LINGO2: variants seen among roughly 807,000 people sequenced by gnomAD.
The protein encoded by LINGO2 is leucine-rich repeat and immunoglobulin-like domain-containing nogo receptor-interacting protein 2.
A neutral mutation model predicts 30.6 loss-of-function variants in LINGO2; 14 were observed. That is an observed-to-expected ratio of 0.46 (90% CI 0.30 to 0.72). LINGO2 has a LOEUF of 0.72. Ranked by LOEUF, LINGO2 falls within the 30% of genes least tolerant of loss-of-function variation. LINGO2 has a pLI of 0.07. For missense variants in LINGO2, 729 were observed against 751.7 expected (o/e 0.97, Z 0.35); for synonymous variants, 317 against 288.5 (o/e 1.10, Z -1.00).
chr9:28,875,776 T>C, the LINGO2 span, among the ~76,000 whole-genome samples: 1 of 152,296 alleles, frequency 6.6e-6, no homozygotes, highest in Non-Finnish European at 1.5e-5. Context: ...AAAGGTGCTA[T>C]TGACTTTACT....
chr9:28,631,502 G>A (rs942178705), intron 1 of LINGO2, among the ~76,000 whole-genome samples: 2 of 152,044 alleles, frequency 1.3e-5, no homozygotes, highest in Admixed American at 1.3e-4. Context: ...ATTAAATAGG[G>A]AATCCTTTCC....
intron 4 of LINGO2, among the ~76,000 whole-genome samples, chr9:28,197,404 CCAGAAATAAAAATTT>C (rs1820053366): frequency 6.6e-6 from 1 of 151,388 alleles, no homozygotes; most frequent in African/African-American, 2.4e-5. Context: ...ATTAAAACAA[CCAGAAATAAAAATTT>C]AGTTTATAGT....
intron 1 of LINGO2, among the ~76,000 whole-genome samples, chr9:28,541,933 C>T (rs561046828): frequency 6.6e-6 from 1 of 152,132 alleles, no homozygotes; most frequent in East Asian, 1.9e-4. Flanking sequence ...AGGCTGTTTT[C>T]AGAGGAGAGA....
chr9:28,052,965 C>T (rs1223382948), intron 4 of LINGO2, among the ~76,000 whole-genome samples: 3 of 151,678 alleles, frequency 2.0e-5, no homozygotes, highest in East Asian at 1.9e-4. Context: ...GCATCCAGTA[C>T]ATGTAAGACA....
At chr9:28,055,508 A>C (rs1419391475) in intron 4 of LINGO2, among the ~76,000 whole-genome samples, 1 of 152,190 alleles carries the variant, frequency 6.6e-6, no homozygotes, top group Admixed American at 6.6e-5. Context: ...TTTTAGGAAA[A>C]TGTAAGGTAC....
chr9:28,866,242 T>C, the LINGO2 span, among the ~76,000 whole-genome samples: 1 of 152,176 alleles, frequency 6.6e-6, no homozygotes, highest in Non-Finnish European at 1.5e-5. Context: ...TCTTGCACTA[T>C]TTAACTTCAA....
chr9:28,098,605 T>C (rs1826318882), intron 4 of LINGO2, among the ~76,000 whole-genome samples: 1 of 152,170 alleles, frequency 6.6e-6, no homozygotes, highest in African/African-American at 2.4e-5. Flanking sequence ...ATCCTCTGTG[T>C]TATTCTGATA....
At chr9:28,537,674 G>T (rs1444727747) in intron 1 of LINGO2, among the ~76,000 whole-genome samples, 1 of 151,906 alleles carries the variant, frequency 6.6e-6, no homozygotes, top group East Asian at 1.9e-4. Flanking sequence ...CTCAGAGAAA[G>T]ACGTAAAGAT....
At chr9:28,252,468 G>GC (rs1184049009) in intron 4 of LINGO2, among the ~76,000 whole-genome samples, 3 of 151,934 alleles carry the variant, frequency 2.0e-5, no homozygotes, top group Non-Finnish European at 2.9e-5. Flanking sequence ...CTCGTGATCT[G>GC]CCCCCCTTGG....
At chr9:28,530,901 C>T (rs947855208) in intron 1 of LINGO2, among the ~76,000 whole-genome samples, 4 of 151,518 alleles carry the variant, frequency 2.6e-5, no homozygotes, top group South Asian at 2.1e-4. Flanking sequence ...TGTCTCATAC[C>T]GTTCTTCACA....
chr9:28,744,641 T>TGTGTGTGTGTGTGTGTGTGTG, the LINGO2 span, among the ~76,000 whole-genome samples: 12 of 104,054 alleles, frequency 1.2e-4, no homozygotes, highest in Admixed American at 2.5e-4. Context: ...TGTGTGTGTA[T>TGTGTGTGTGTGTGTGTGTGTG]TTTTTTTTTT....
chr9:28,387,986 T>C (rs1821663229), intron 2 of LINGO2, among the ~76,000 whole-genome samples: 1 of 152,078 alleles, frequency 6.6e-6, no homozygotes, highest in Non-Finnish European at 1.5e-5. Context: ...ACCCACCAAT[T>C]CTGGACACAG....
intron 1 of LINGO2, among the ~76,000 whole-genome samples, chr9:28,618,307 A>G (rs185273903): frequency 1.3e-5 from 2 of 152,078 alleles, no homozygotes; most frequent in African/African-American, 4.8e-5. Context: ...TTTTTATTTT[A>G]TTTTTCTCTT....
chr9:28,281,102 C>T (rs1233400873), intron 4 of LINGO2, among the ~76,000 whole-genome samples: 1 of 152,054 alleles, frequency 6.6e-6, no homozygotes, highest in Non-Finnish European at 1.5e-5. Context: ...TCTTTTTAAA[C>T]ACAGGGAGAG....
At chr9:28,285,682 G>A (rs1823482909) in intron 4 of LINGO2, among the ~76,000 whole-genome samples, 1 of 151,962 alleles carries the variant, frequency 6.6e-6, no homozygotes, top group Non-Finnish European at 1.5e-5. Context: ...TGGGATTACA[G>A]GCGTGAGCCA....
the LINGO2 span, among the ~76,000 whole-genome samples, chr9:29,009,642 G>A: frequency 6.6e-6 from 1 of 152,118 alleles, no homozygotes; most frequent in Non-Finnish European, 1.5e-5. Flanking sequence ...TCCCCATTAA[G>A]CTACCAATGA....
At chr9:28,736,763 C>G in the LINGO2 span, among the ~76,000 whole-genome samples, 43 of 152,218 alleles carry the variant, frequency 2.8e-4, 1 homozygote, top group South Asian at 8.7e-3. Flanking sequence ...GCACTCCAGC[C>G]TGGGCAACAA....
At chr9:28,975,852 C>T in the LINGO2 span, among the ~76,000 whole-genome samples, 1 of 152,090 alleles carries the variant, frequency 6.6e-6, no homozygotes, top group Admixed American at 6.6e-5. Flanking sequence ...TGGTTAGCAA[C>T]AGGGATATGA....
At chr9:27,987,564 T>G (rs1563885158) in intron 5 of LINGO2, among the ~76,000 whole-genome samples, 1 of 151,874 alleles carries the variant, frequency 6.6e-6, no homozygotes. Context: ...AACAAGATAT[T>G]TGGTTTGAAG....
Sources: gnomAD v4.1 joint callset for allele counts (sites outside exome capture counted in the v4.1 genomes callset) on GRCh38, gnomAD v4.1.1 for gene constraint, MANE v1.5 for transcripts, NCBI Gene and HGNC (gene_info 2026-07-23, HGNC 2026-07-21) for gene names.